CTTN: variants seen among roughly 807,000 people sequenced by gnomAD.
CTTN encodes src substrate cortactin.
A neutral mutation model predicts 84.0 loss-of-function variants in CTTN; 28 were observed. That is an observed-to-expected ratio of 0.33 (90% confidence interval 0.25 to 0.46). The LOEUF is 0.46. Ranked by LOEUF, CTTN falls within the 20% of genes least tolerant of loss-of-function variation. The pLI, the probability that CTTN is intolerant of heterozygous loss-of-function variation, is 1.00. For missense variants in CTTN, 641 were observed against 723.8 expected, an observed-to-expected ratio of 0.89 and a Z score of 1.31; for synonymous variants, 301 against 288.8, an observed-to-expected ratio of 1.04 and a Z score of -0.43.
chr11:70,428,157 T>C (rs1375089210), intron 13 of CTTN, among the ~76,000 whole-genome samples: 4 of 73,010 alleles, frequency 5.5e-5, no homozygotes, highest in Non-Finnish European at 1.0e-4. Flanking sequence ...TTCCCACTTT[T>C]TTTTTTTTTT....
At chr11:70,403,634 T>C (rs1240000998) in intron 1 of CTTN, among the ~76,000 whole-genome samples, 5 of 152,228 alleles carry the variant, frequency 3.3e-5, no homozygotes, top group Admixed American at 1.3e-4. Flanking sequence ...TAAGAAACTA[T>C]TGCCAAATTC....
At chr11:70,434,444 C>T (rs1292672957) in intron 17 of CTTN, among the ~76,000 whole-genome samples, 2 of 152,284 alleles carry the variant, frequency 1.3e-5, no homozygotes, top group African/African-American at 4.8e-5. Flanking sequence ...TTCCCGTTTG[C>T]AACTTTCCAT....
intron 5 of CTTN, 79 bp downstream of exon 5, chr11:70,410,039 T>C: frequency 6.6e-7 from 1 of 1,518,054 alleles, no homozygotes. Flanking sequence ...CGTCCCTCAG[T>C]CTTTCCTTAG....
At position 70,423,458 on chromosome 11, in the gene CTTN, G is replaced by C. The variant is rs537697717; in HGVS notation, c.957+463G>C. 2.6e-5 allele frequency among the ~76,000 whole-genome samples: 4 copies of C among 152,366 alleles called. 1 individual carries two copies. In the South Asian group the frequency reaches 8.3e-4, roughly 32 times the overall value. ...TAGAGACGCGGGCTCCACACTGCCTGCTCCTGCGCGTGGCCTGTGGTCAGG... is the reference window on the plus strand; with the variant it reads ...TAGAGACGCGGGCTCCACACTGCCTCCTCCTGCGCGTGGCCTGTGGTCAGG... On this transcript the variant is annotated intron_variant, in intron 12 of 17. Transcript: ENST00000301843.
chr11:70,401,575 G>A (rs1033182107), intron 1 of CTTN, among the ~76,000 whole-genome samples: 11 of 152,174 alleles, frequency 7.2e-5, no homozygotes, highest in African/African-American at 2.6e-4. Flanking sequence ...TTGAACCCAG[G>A]AGGCAGAGGT....
In CTTN at chr11:70,435,804, C is replaced by A; in HGVS notation, c.*642C>A. On this transcript the variant is annotated 3_prime_UTR_variant, in exon 18 of 18. Coordinates refer to ENST00000301843, the MANE Select transcript of CTTN (RefSeq NM_005231.4). ...TGCCCACTCCGGCTTGTCCTCATCT[C>A]TACCCATCCCCTGATGCCCAGGTCA... 7 of 1,569,692 alleles carry A rather than the reference C, an allele frequency of 4.5e-6. No individual in the cohort carries two copies. In the South Asian group the frequency reaches 6.9e-5, roughly 15 times the overall value.
intron 7 of CTTN, chr11:70,416,806 C>T (rs1436897412): frequency 1.7e-5 from 9 of 544,372 alleles, no homozygotes; most frequent in South Asian, 1.6e-4. Context: ...TAACAGCTGA[C>T]AGGGCCCAGA....
At chr11:70,425,821 G>A (rs3781650) in intron 13 of CTTN, among the ~76,000 whole-genome samples, 28,111 of 152,246 alleles carry the variant, frequency 0.18, 3,260 homozygotes, top group Admixed American at 0.25. Context: ...TCTGCTGCTC[G>A]TTCTTGGGCC....
At position 70,433,671 on chromosome 11, in the gene CTTN, A is replaced by G. The variant is rs753776879; in HGVS notation, c.1469A>G (p.Glu490Gly). Residue 490 changes from glutamate to glycine, a missense_variant, in exon 17 of 18, where the codon GAG becomes GGG. Physicochemically the swap from Glu to Gly is moderately conservative, Grantham distance 98 (BLOSUM62 -2). Coordinates refer to ENST00000301843, the MANE Select transcript of CTTN (RefSeq NM_005231.4). ...GAGGACAGCACCTACGATGAGTACG[A>G]GAACGATCTGGGGATCACAGCCGTC... ...PAEDSTYDEY[E>G]NDLGITAVAL... 9 of 1,613,780 alleles carry G rather than the reference A, an allele frequency of 5.6e-6. No homozygotes were observed. The highest frequency in any genetic ancestry group is 7.6e-6 in the Non-Finnish European group (9 of 1,179,714).
chr11:70,420,307 T>C (rs2058216410), intron 9 of CTTN, 93 bp from the exon 10 acceptor site: 1 of 817,906 alleles, frequency 1.2e-6, no homozygotes, highest in East Asian at 2.4e-5. Context: ...ATTGAGTGAA[T>C]CATATGCGTT....
At chr11:70,421,677 GTCC>G (rs2058238216) in intron 11 of CTTN, 97 bp downstream of exon 11, 1 of 791,196 alleles carries the variant, frequency 1.3e-6, no homozygotes, top group Admixed American at 2.0e-5. Context: ...CTGCAACACA[GTCC>G]TCCTGTGTCA....
At chr11:70,424,615 C>T (rs936147327) in intron 12 of CTTN, among the ~76,000 whole-genome samples, 4 of 151,952 alleles carry the variant, frequency 2.6e-5, no homozygotes, top group Non-Finnish European at 1.5e-5. Flanking sequence ...ATGGCCTTGC[C>T]TTTGAACAGG....
In CTTN at chr11:70,435,572, G is replaced by A; in HGVS notation, c.*410G>A. 1 of 1,565,592 alleles carries A rather than the reference G, an allele frequency of 6.4e-7. No individual in the cohort carries two copies. Among genetic ancestry groups the A allele is most frequent in the East Asian group, 2.3e-5 (1 of 43,138 alleles). On this transcript the variant is annotated 3_prime_UTR_variant, in exon 18 of 18. Coordinates refer to ENST00000301843, the MANE Select transcript of CTTN (RefSeq NM_005231.4). ...AGGCCTCAGGTCGGCCCTGTGGCGG[G>A]TAGGCAGGAAGGACTGTCCCAGACG...
At chr11:70,412,386 A>G (rs1459010444) in intron 5 of CTTN, among the ~76,000 whole-genome samples, 1 of 152,180 alleles carries the variant, frequency 6.6e-6, no homozygotes, top group Non-Finnish European at 1.5e-5. Context: ...TCGCACCATT[A>G]CAGTCCAGCC....
intron 1 of CTTN, among the ~76,000 whole-genome samples, chr11:70,404,420 G>A (rs1008043172): frequency 3.3e-5 from 5 of 152,152 alleles, no homozygotes; most frequent in South Asian, 2.1e-4. Context: ...CTCCCTGCGC[G>A]GTAACCGTGT....
rs1401232195 is a variant in CTTN, at chr11:70,435,637, A to T, written c.*475A>T. On this transcript the variant is annotated 3_prime_UTR_variant, in exon 18 of 18. Coordinates refer to ENST00000301843, the MANE Select transcript of CTTN (RefSeq NM_005231.4). ...GAGTCTCACTGCTGGGGAGGAGAGG[A>T]CTGGGCCTGATGGAAGTTAACCCGG... 2 of 1,594,908 alleles carry T rather than the reference A, an allele frequency of 1.3e-6. No individual in the cohort carries two copies. Among genetic ancestry groups the T allele is most frequent in the Non-Finnish European group, 1.7e-6 (2 of 1,178,286 alleles).
intron 7 of CTTN, 98 bp from the exon 8 acceptor site, chr11:70,416,915 G>T (rs1283999554): frequency 6.0e-6 from 5 of 829,316 alleles, no homozygotes; most frequent in African/African-American, 5.0e-5. Flanking sequence ...TGATGTGTTT[G>T]TGAGTTGTAA....
chr11:70,422,886 AC>A (rs1317001061), intron 11 of CTTN, 53 bp from the exon 12 acceptor site: 4 of 1,612,916 alleles, frequency 2.5e-6, no homozygotes, highest in Admixed American at 3.3e-5. Flanking sequence ...ACCCACGGCC[AC>A]CCCCATGCTC....
intron 13 of CTTN, among the ~76,000 whole-genome samples, chr11:70,426,284 G>T (rs958250297): frequency 6.6e-6 from 1 of 151,966 alleles, no homozygotes; most frequent in African/African-American, 2.4e-5. Context: ...GGTGGCGGGC[G>T]CCTGTAGTCC....
Sources: gnomAD v4.1 joint callset for allele counts (sites outside exome capture counted in the v4.1 genomes callset) on GRCh38, gnomAD v4.1.1 for gene constraint, MANE v1.5 for transcripts, NCBI Gene and HGNC (gene_info 2026-07-23, HGNC 2026-07-21) for gene names.